Variants in LRRN1 observed in about 807,000 individuals in gnomAD.
The protein encoded by LRRN1 is leucine-rich repeat neuronal protein 1.
In LRRN1, 14 loss-of-function variants were observed where a neutral mutation model predicts 45.8. The ratio of observed to expected loss-of-function variants is 0.31; its 90% CI spans 0.20 to 0.48. LRRN1 has a LOEUF of 0.48. Ranked by LOEUF, LRRN1 falls within the 20% of genes least tolerant of loss-of-function variation. The pLI is 0.99. For synonymous variants in LRRN1, 359 were observed against 330.1 expected, an observed-to-expected ratio of 1.09 and a Z score of -0.95; for missense variants, 789 against 874.2, an observed-to-expected ratio of 0.90 and a Z score of 1.23.
At chr3:3,827,518 C>T in intron 1 of LRRN1, 1 of 456,234 alleles carries the variant, frequency 2.2e-6, no homozygotes, top group Non-Finnish European at 4.4e-6. Flanking sequence ...CTCTGTAAGG[C>T]AAGAAGGAAA....
At chr3:3,825,496 AATAAC>A (rs1693197314) in intron 1 of LRRN1, among the ~76,000 whole-genome samples, 1 of 152,222 alleles carries the variant, frequency 6.6e-6, no homozygotes, top group Non-Finnish European at 1.5e-5. Context: ...AATTAATAGT[AATAAC>A]ATACAAGAAA....
intron 1 of LRRN1, among the ~76,000 whole-genome samples, chr3:3,839,846 C>G (rs1185602010): frequency 6.6e-6 from 1 of 152,002 alleles, no homozygotes. Context: ...TGCAAATTTG[C>G]TAACATCATT....
At chr3:3,819,285 C>T (rs1345267952) in intron 1 of LRRN1, among the ~76,000 whole-genome samples, 1 of 152,096 alleles carries the variant, frequency 6.6e-6, no homozygotes, top group Non-Finnish European at 1.5e-5. Context: ...ATGTGCTCAA[C>T]CCAATATTAA....
intron 1 of LRRN1, among the ~76,000 whole-genome samples, chr3:3,832,845 G>C (rs1330403331): frequency 6.6e-6 from 1 of 152,142 alleles, no homozygotes; most frequent in African/African-American, 2.4e-5. Flanking sequence ...GAATGCAGTA[G>C]GCTTCCTATC....
chr3:3,825,584 A>G (rs1182123470), intron 1 of LRRN1, among the ~76,000 whole-genome samples: 1 of 152,176 alleles, frequency 6.6e-6, no homozygotes, highest in Non-Finnish European at 1.5e-5. Context: ...ACCACCCCAG[A>G]AATTTAACAT....
chr3:3,835,774 C>G (rs1168815400), intron 1 of LRRN1, among the ~76,000 whole-genome samples: 1 of 151,972 alleles, frequency 6.6e-6, no homozygotes, highest in African/African-American at 2.4e-5. Context: ...AAGTGAGAGT[C>G]TCCGCCAAGT....
At chr3:3,811,269 G>A (rs1209394473) in intron 1 of LRRN1, among the ~76,000 whole-genome samples, 1 of 152,194 alleles carries the variant, frequency 6.6e-6, no homozygotes. Flanking sequence ...TCCAGACTGA[G>A]TTAGTCACAT....
At chr3:3,823,423 T>C (rs1256658478) in intron 1 of LRRN1, among the ~76,000 whole-genome samples, 1 of 151,988 alleles carries the variant, frequency 6.6e-6, no homozygotes, top group Non-Finnish European at 1.5e-5. Flanking sequence ...AGAAGAAGGT[T>C]AGGTTAAAAG....
At chr3:3,804,506 C>G (rs771890475) in intron 1 of LRRN1, among the ~76,000 whole-genome samples, 17 of 152,196 alleles carry the variant, frequency 1.1e-4, no homozygotes, top group Non-Finnish European at 2.5e-4. Context: ...TCTAAAGATG[C>G]TGCTGTATCA....
At position 3,806,549 on chromosome 3, in the gene LRRN1, T is replaced by G. The variant is rs370878728; in HGVS notation, c.-279+6630T>G. ...AGATGGAGTTAATTCCTTGTAGGAG[T>G]TGGTCAGAATTCAGTGTGTCTTGAG... On this transcript the variant is annotated intron_variant, in intron 1 of 1. Coordinates refer to ENST00000319331, the MANE Select transcript of LRRN1 (RefSeq NM_020873.7). Among the ~76,000 whole-genome samples, 4 of 152,000 alleles carry G rather than the reference T, an allele frequency of 2.6e-5. No individual in the cohort carries two copies. In the East Asian group the frequency reaches 5.8e-4, roughly 22 times the overall value.
intron 1 of LRRN1, among the ~76,000 whole-genome samples, chr3:3,834,536 A>ATATATATATATATATATATATAT (rs1306209541): frequency 9.2e-6 from 1 of 109,132 alleles, no homozygotes; most frequent in Non-Finnish European, 1.9e-5. Context: ...ATATATATAT[A>ATATATATATATATATATATATAT]TATATATATA....
At chr3:3,817,175 A>T (rs1216452468) in intron 1 of LRRN1, among the ~76,000 whole-genome samples, 1 of 152,136 alleles carries the variant, frequency 6.6e-6, no homozygotes, top group Non-Finnish European at 1.5e-5. Context: ...ACTTCCTTAA[A>T]GACTCACTGT....
chr3:3,814,006 C>T (rs1692935958), intron 1 of LRRN1, among the ~76,000 whole-genome samples: 2 of 151,890 alleles, frequency 1.3e-5, no homozygotes. Context: ...GTAACACCTC[C>T]CTCCCCTGTC....
chr3:3,825,140 C>A (rs1313552631), intron 1 of LRRN1, among the ~76,000 whole-genome samples: 12 of 143,092 alleles, frequency 8.4e-5, no homozygotes, highest in Admixed American at 8.4e-4. Context: ...TTTCATTTTT[C>A]TTTTGCTTTT....
intron 1 of LRRN1, chr3:3,827,603 G>A: frequency 2.3e-6 from 1 of 432,980 alleles, no homozygotes; most frequent in Non-Finnish European, 4.7e-6. Flanking sequence ...TTTGAATCCT[G>A]CATTTGCCAT....
intron 1 of LRRN1, among the ~76,000 whole-genome samples, chr3:3,823,049 T>C (rs956215792): frequency 2.0e-5 from 3 of 152,200 alleles, no homozygotes; most frequent in African/African-American, 7.2e-5. Context: ...GCACCCAAGC[T>C]ATTCAGTGAA....
chr3:3,812,322 G>C (rs1238806658), intron 1 of LRRN1, among the ~76,000 whole-genome samples: 1 of 152,220 alleles, frequency 6.6e-6, no homozygotes, highest in Non-Finnish European at 1.5e-5. Context: ...AGCCTTCTAA[G>C]AGAAGACCTT....
At chr3:3,805,262 G>C (rs1310919585) in intron 1 of LRRN1, among the ~76,000 whole-genome samples, 1 of 151,854 alleles carries the variant, frequency 6.6e-6, no homozygotes, top group Non-Finnish European at 1.5e-5. Flanking sequence ...AAGAGAGAAA[G>C]GTGGCTTAAT....
chr3:3,836,134 T>C (rs1693506506), intron 1 of LRRN1, among the ~76,000 whole-genome samples: 1 of 152,236 alleles, frequency 6.6e-6, no homozygotes, highest in African/African-American at 2.4e-5. Context: ...TGTTGCAGAA[T>C]TTAAGATAAT....
Sources: allele counts gnomAD v4.1 joint callset (sites outside exome capture counted in the v4.1 genomes callset), GRCh38; gene constraint gnomAD v4.1.1; transcripts MANE v1.5; gene names NCBI Gene and HGNC (gene_info 2026-07-23, HGNC 2026-07-21).